Variants in VWC2 observed in about 807,000 individuals in gnomAD.
VWC2 encodes von Willebrand factor C domain containing 2.
Under a neutral mutation model 29.8 loss-of-function variants are expected in VWC2, and 14 were observed. The observed-to-expected ratio is 0.47, with a 90% CI of 0.31 to 0.74. The LOEUF is 0.74. Ranked by LOEUF, VWC2 falls within the 30% of genes least tolerant of loss-of-function variation. The pLI is 0.05. For synonymous variants in VWC2, 213 were observed against 199.0 expected, an observed-to-expected ratio of 1.07 and a Z score of -0.59; for missense variants, 457 against 459.8, an observed-to-expected ratio of 0.99 and a Z score of 0.05.
Position 49,916,521 on chromosome 7 carries a change from C to T in VWC2, c.*4336C>T, listed in dbSNP as rs1290514618. The T allele has an allele frequency of 6.6e-6, 1 of 152,172 alleles. No individual in the cohort carries two copies. Among genetic ancestry groups the T allele is most frequent in the Non-Finnish European group, 1.5e-5 (1 of 68,038 alleles). 9.4% of individuals were successfully genotyped at this position (152,172 alleles called of 1,614,324 possible). On this transcript the variant is annotated 3_prime_UTR_variant, in exon 4 of 4. Coordinates refer to ENST00000340652, the MANE Select transcript of VWC2 (RefSeq NM_198570.5). ...GTACTAATTTGGTTTCTTATTTTAA[C>T]ATATCATTTAGGAATCATACCATAG...
At chr7:49,832,139 T>C (rs145014759) in intron 3 of VWC2, among the ~76,000 whole-genome samples, 2 of 152,340 alleles carry the variant, frequency 1.3e-5, no homozygotes, top group East Asian at 3.9e-4. Context: ...GCAAGGTCTT[T>C]GTCTTTTTCA....
At chr7:49,863,143 C>T (rs1036861806) in intron 3 of VWC2, among the ~76,000 whole-genome samples, 1 of 152,190 alleles carries the variant, frequency 6.6e-6, no homozygotes, top group Non-Finnish European at 1.5e-5. Flanking sequence ...AATATCTTCA[C>T]TTGTTATAGG....
At chr7:49,909,654 C>T (rs944114372) in intron 3 of VWC2, among the ~76,000 whole-genome samples, 5 of 152,122 alleles carry the variant, frequency 3.3e-5, no homozygotes, top group Non-Finnish European at 7.4e-5. Flanking sequence ...CAGATACTGG[C>T]CCCCTGGAAA....
chr7:49,900,907 T>C (rs1792689181), intron 3 of VWC2, among the ~76,000 whole-genome samples: 1 of 151,894 alleles, frequency 6.6e-6, no homozygotes. Flanking sequence ...AGAATAATTA[T>C]ACATCACAAC....
intron 2 of VWC2, among the ~76,000 whole-genome samples, chr7:49,787,008 C>T (rs1480157730): frequency 6.6e-6 from 1 of 152,126 alleles, no homozygotes; most frequent in Non-Finnish European, 1.5e-5. Context: ...GTACTGGGAG[C>T]CAGCTCAGCC....
intron 2 of VWC2, among the ~76,000 whole-genome samples, chr7:49,786,368 T>C (rs904500609): frequency 6.6e-6 from 1 of 152,232 alleles, no homozygotes; most frequent in Non-Finnish European, 1.5e-5. Flanking sequence ...CCACATTTTA[T>C]TTATCCAATC....
intron 3 of VWC2, among the ~76,000 whole-genome samples, chr7:49,861,526 T>G (rs1177536998): frequency 1.3e-5 from 2 of 152,264 alleles, no homozygotes; most frequent in East Asian, 3.8e-4. Context: ...TTTTTTCTTC[T>G]GTTGTTCATG....
chr7:49,864,951 CCT>C (rs1196206990), intron 3 of VWC2, among the ~76,000 whole-genome samples: 17 of 152,216 alleles, frequency 1.1e-4, no homozygotes, highest in African/African-American at 4.1e-4. Flanking sequence ...TCTGACAGTT[CCT>C]GTTTGTTTTT....
intron 3 of VWC2, among the ~76,000 whole-genome samples, chr7:49,862,415 A>G (rs1252291024): frequency 6.6e-6 from 1 of 152,164 alleles, no homozygotes; most frequent in Non-Finnish European, 1.5e-5. Context: ...CTAACCGTGA[A>G]TAGAGATAGT....
intron 3 of VWC2, among the ~76,000 whole-genome samples, chr7:49,854,892 A>G (rs557416679): frequency 6.6e-6 from 1 of 152,302 alleles, no homozygotes; most frequent in South Asian, 2.1e-4. Flanking sequence ...AGAACTATGA[A>G]GCTCAAAAAG....
intron 3 of VWC2, among the ~76,000 whole-genome samples, chr7:49,885,581 A>G (rs1791868116): frequency 6.6e-6 from 1 of 152,192 alleles, no homozygotes; most frequent in African/African-American, 2.4e-5. Flanking sequence ...CAGTCTCCTA[A>G]ACAGGGACAA....
rs558626810 is a variant in VWC2, at chr7:49,780,784, C to G, written c.696+4653C>G. Reference sequence around the variant, plus strand: ...ATAAGAACTGTTGAGAGAGAGATAACAGGAAGGGGTACTTGGAGGTGAAAT... The same window carrying G: ...ATAAGAACTGTTGAGAGAGAGATAAGAGGAAGGGGTACTTGGAGGTGAAAT... On this transcript the variant is annotated intron_variant, in intron 2 of 3. Coordinates refer to ENST00000340652, the MANE Select transcript of VWC2 (RefSeq NM_198570.5). Among the ~76,000 whole-genome samples, 638 of 152,264 alleles carry G rather than the reference C, an allele frequency of 4.2e-3. 7 individuals carry two copies. The highest frequency in any genetic ancestry group is 0.015 in the African/African-American group (611 of 41,538).
In VWC2 at chr7:49,866,335, C is replaced by T. The variant is rs146822987; in HGVS notation, c.827-45699C>T. On this transcript the variant is annotated intron_variant, in intron 3 of 3. Transcript: ENST00000340652. The stretch of plus-strand genomic sequence containing the variant: ...TTGCCACTTTTCCTGTCCTGACTGG[C>T]GTTCTTCCCTCATTGCTTTTCTAAC... 7.0e-4 allele frequency among the ~76,000 whole-genome samples: 106 copies of T among 152,292 alleles called. 1 individual carries two copies. The highest frequency in any genetic ancestry group is 1.4e-3 in the Non-Finnish European group (97 of 68,016).
chr7:49,849,677 G>T (rs2128716050), intron 3 of VWC2, among the ~76,000 whole-genome samples: 1 of 152,334 alleles, frequency 6.6e-6, no homozygotes, highest in African/African-American at 2.4e-5. Flanking sequence ...TCACCATTTG[G>T]TAGTGCCCTA....
chr7:49,878,103 C>T (rs139879221), intron 3 of VWC2, among the ~76,000 whole-genome samples: 5 of 152,166 alleles, frequency 3.3e-5, no homozygotes, highest in East Asian at 1.9e-4. Context: ...GTCCCCTTGA[C>T]GTAAATGTTA....
intron 3 of VWC2, among the ~76,000 whole-genome samples, chr7:49,840,310 G>C (rs897706397): frequency 6.6e-6 from 1 of 152,214 alleles, no homozygotes; most frequent in Non-Finnish European, 1.5e-5. Flanking sequence ...GGGGCACGGA[G>C]TATAGGAAAT....
chr7:49,844,280 T>G (rs1789866624), intron 3 of VWC2, among the ~76,000 whole-genome samples: 1 of 152,186 alleles, frequency 6.6e-6, no homozygotes, highest in Non-Finnish European at 1.5e-5. Context: ...TTCTATCCTC[T>G]CAACCTTTAA....
intron 3 of VWC2, among the ~76,000 whole-genome samples, chr7:49,824,729 A>G (rs1760721081): frequency 1.3e-5 from 2 of 152,114 alleles, no homozygotes; most frequent in African/African-American, 4.8e-5. Context: ...AATTTCTCTC[A>G]GTAATATTTA....
intron 3 of VWC2, among the ~76,000 whole-genome samples, chr7:49,854,655 C>T (rs1040317652): frequency 6.6e-6 from 1 of 152,172 alleles, no homozygotes. Context: ...TTCTCCCATT[C>T]TGTAGGTTGC....
Sources: allele counts gnomAD v4.1 joint callset (sites outside exome capture counted in the v4.1 genomes callset), GRCh38; gene constraint gnomAD v4.1.1; transcripts MANE v1.5; gene names NCBI Gene and HGNC (gene_info 2026-07-23, HGNC 2026-07-21).